Variants in BRCA2 observed in about 807,000 individuals in gnomAD.
The protein encoded by BRCA2 is BRCA2 DNA repair associated, also known as breast cancer type 2 susceptibility protein.
A neutral mutation model predicts 276.7 loss-of-function variants in BRCA2; 203 were observed. The ratio of observed to expected loss-of-function variants is 0.73; its 90% CI spans 0.65 to 0.82. BRCA2 has a LOEUF of 0.82. Ranked by LOEUF, BRCA2 falls within the 40% of genes least tolerant of loss-of-function variation. The probability of loss-of-function intolerance (pLI) is 0.00; values close to 1 mark genes in which losing one functional copy is unlikely to be tolerated. For synonymous variants in BRCA2, 1,289 were observed against 1,338.4 expected (o/e 0.96, Z 0.81); for missense variants, 3,920 against 3,915.0 (o/e 1.00, Z -0.03).
rs2137613679 is a variant in BRCA2 at position 32,376,808 on chromosome 13, A to G, written c.8754+17A>G. 1.2e-6 allele frequency: 2 copies of G among 1,613,590 alleles called. No individual in the cohort carries two copies. Among genetic ancestry groups the G allele is most frequent in the South Asian group, 2.2e-5 (2 of 91,002 alleles). The stretch of plus-strand genomic sequence containing the variant: ...TACCTTGAGGTGAGAGAGTAAGAGG[A>G]CATATAATGAGGCTTGATGATTATT... On this transcript the variant is annotated intron_variant, in intron 21 of 26. Transcript: ENST00000380152.
At chr13:32,327,864 G>C (rs1462477700) in intron 7 of BRCA2, among the ~76,000 whole-genome samples, 1 of 151,458 alleles carries the variant, frequency 6.6e-6, no homozygotes, top group African/African-American at 2.4e-5. Context: ...AACCTCCCAG[G>C]CTCAATTAAT....
Position 32,326,125 on chromosome 13 carries a change from T to G in BRCA2, c.450T>G (p.His150Gln), listed in dbSNP as rs1044335769. Residue 150 changes from histidine (H) to glutamine (Q), a missense_variant, in exon 5 of 27, where the codon CAT becomes CAG. This residue lies in a region of BRCA2 where 3,263 missense variants were observed against 3,156.9 expected (regional missense o/e 1.03). Transcript: ENST00000380152. ...GTCCTGTTGTTCTACAATGTACACA[T>G]GTAACACCACAAAGAGATAAGTCAG... is the stretch of plus-strand genomic sequence containing the variant. ...SESPVVLQCTHVTPQRDKSVV... is the reference protein window; with the variant it reads ...SESPVVLQCTQVTPQRDKSVV... 1 of 1,610,142 alleles carries G rather than the reference T, an allele frequency of 6.2e-7. No individual in the cohort carries two copies. The highest frequency in any genetic ancestry group is 1.3e-5 in the African/African-American group (1 of 74,938).
Position 32,366,439 on chromosome 13 carries a change from C to G in BRCA2, c.8331+2906C>G, listed in dbSNP as rs11571732. ...GGGATCTTTTTATCAGAGAAAGGTG[C>G]AGATGTGAGATTGAAGTAAAAGAAA... On this transcript the variant is annotated intron_variant, in intron 18 of 26. Coordinates refer to ENST00000380152, the MANE Select transcript of BRCA2 (RefSeq NM_000059.4). Among the ~76,000 whole-genome samples the G allele has an allele frequency of 6.5e-3, 986 of 152,154 alleles. 8 individuals are homozygous for G. The highest frequency in any genetic ancestry group is 0.01 in the Non-Finnish European group (701 of 68,024).
chr13:32,343,554 T>C (rs1378491492), intron 11 of BRCA2, among the ~76,000 whole-genome samples: 1 of 152,226 alleles, frequency 6.6e-6, no homozygotes, highest in African/African-American at 2.4e-5. Context: ...GTAGTACGTT[T>C]ATAGTACTTA....
intron 20 of BRCA2, among the ~76,000 whole-genome samples, chr13:32,371,308 A>G (rs2036316913): frequency 6.6e-6 from 1 of 151,726 alleles, no homozygotes; most frequent in African/African-American, 2.4e-5. Flanking sequence ...CATTTGTAAT[A>G]TTTTTCCTGA....
chr13:32,360,645 A>G (rs2072732210), intron 16 of BRCA2, among the ~76,000 whole-genome samples: 2 of 152,226 alleles, frequency 1.3e-5, no homozygotes, highest in Admixed American at 1.3e-4. Flanking sequence ...GGTGTGAGCC[A>G]CTGTGTCCAG....
chr13:32,373,376 C>T (rs775644468), intron 20 of BRCA2, among the ~76,000 whole-genome samples: 25 of 151,702 alleles, frequency 1.6e-4, no homozygotes, highest in Non-Finnish European at 2.9e-4. Flanking sequence ...CGTGGTGGCA[C>T]GCGTCTGTAA....
chr13:32,316,335 A>G, intron 1 of BRCA2, 87 bp from the exon 2 acceptor site: 1 of 857,340 alleles, frequency 1.2e-6, no homozygotes, highest in Non-Finnish European at 1.9e-6. Context: ...AATTCAAACA[A>G]ATTTTCCAGC....
intron 24 of BRCA2, among the ~76,000 whole-genome samples, chr13:32,394,118 C>T (rs1041316593): frequency 1.3e-5 from 2 of 152,128 alleles, no homozygotes; most frequent in Non-Finnish European, 2.9e-5. Context: ...TCATAGAAAT[C>T]GTCCTCACTC....
intron 24 of BRCA2, chr13:32,385,808 A>G (rs573161766): frequency 3.2e-4 from 56 of 172,502 alleles, no homozygotes; most frequent in Non-Finnish European, 1.6e-4. Context: ...ATAATGCAAG[A>G]CATATATTTG....
At chr13:32,325,050 C>G (rs1566218060) in intron 3 of BRCA2, 26 bp from the exon 4 acceptor site, 2 of 1,446,252 alleles carry the variant, frequency 1.4e-6, no homozygotes, top group Non-Finnish European at 9.7e-7. Context: ...TATATACATT[C>G]TCACTGAATT....
At chr13:32,366,798 G>T (rs2072785327) in intron 18 of BRCA2, among the ~76,000 whole-genome samples, 1 of 151,432 alleles carries the variant, frequency 6.6e-6, no homozygotes, top group South Asian at 2.1e-4. Context: ...CTCCAGCCTG[G>T]GCGACAAAGT....
chr13:32,337,481 AGCTTGTGT>A lies in BRCA2; in HGVS notation c.3127_3134del (p.Ala1043Ter). On this transcript the variant is annotated frameshift_variant, in exon 11 of 27. Coordinates refer to ENST00000380152, the MANE Select transcript of BRCA2 (RefSeq NM_000059.4). LOFTEE classifies it high-confidence loss of function. Reference sequence around the variant, plus strand: ...TTGAAGAACAATATCCTACTAGTTTAGCTTGTGTTGAAATTGTAAATACCTTGGCATTA... The same window carrying A: ...TTGAAGAACAATATCCTACTAGTTTATGAAATTGTAAATACCTTGGCATTA... 1 of 1,610,418 alleles carries A rather than the reference AGCTTGTGT, an allele frequency of 6.2e-7. No individual in the cohort carries two copies. The highest frequency in any genetic ancestry group is 8.5e-7 in the Non-Finnish European group (1 of 1,178,216).
At chr13:32,327,891 C>T (rs997455699) in intron 7 of BRCA2, among the ~76,000 whole-genome samples, 6 of 151,676 alleles carry the variant, frequency 4.0e-5, no homozygotes, top group Non-Finnish European at 8.8e-5. Flanking sequence ...TCCTCTTAGC[C>T]TTCCAAGTAT....
intron 3 of BRCA2, among the ~76,000 whole-genome samples, chr13:32,320,852 T>C (rs1330992507): frequency 6.6e-6 from 1 of 152,234 alleles, no homozygotes; most frequent in Non-Finnish European, 1.5e-5. Flanking sequence ...TTTTTCAAAA[T>C]GTCATGTCTG....
intron 23 of BRCA2, 26 bp downstream of exon 23, chr13:32,379,939 C>T (rs2072911705): frequency 6.2e-7 from 1 of 1,612,786 alleles, no homozygotes; most frequent in South Asian, 1.1e-5. Context: ...TGTAATTTTT[C>T]AGTTTTGATA....
chr13:32,338,747 T>C lies in BRCA2; in HGVS notation c.4392T>C (p.Ser1464=), dbSNP rs2137505807. 11 of 1,602,478 alleles carry C rather than the reference T, an allele frequency of 6.9e-6. No homozygotes were observed. The highest frequency in any genetic ancestry group is 9.4e-6 in the Non-Finnish European group (11 of 1,172,640). ...AATTGCATAACTTTTCCTTAAATTC[T>C]GAATTACATTCTGACATAAGAAAGA... ...PEELHNFSLN[S]ELHSDIRKNK... is the part of the protein sequence containing the mutation. Residue 1464 remains serine, a synonymous_variant, in exon 11 of 27, where the codon TCT becomes TCC. Transcript: ENST00000380152.
chr13:32,387,264 G>A (rs1414102509), intron 24 of BRCA2, among the ~76,000 whole-genome samples: 3 of 152,190 alleles, frequency 2.0e-5, no homozygotes, highest in Non-Finnish European at 4.4e-5. Flanking sequence ...TAGATATAGA[G>A]ATGATCATGG....
At chr13:32,355,381 G>T (rs529743325) in intron 14 of BRCA2, 93 bp downstream of exon 14, 2 of 1,418,330 alleles carry the variant, frequency 1.4e-6, no homozygotes, top group African/African-American at 2.9e-5. Flanking sequence ...CCCTTTGGTG[G>T]TGGTAATTTT....
Sources: gnomAD v4.1 joint callset for allele counts (sites outside exome capture counted in the v4.1 genomes callset) on GRCh38, gnomAD v4.1.1 for gene constraint, gnomAD v4.1.1 regional missense constraint, MANE v1.5 for transcripts, NCBI Gene and HGNC (gene_info 2026-07-23, HGNC 2026-07-21) for gene names.